Variants in RIPK1 observed in about 807,000 individuals in gnomAD.
RIPK1 encodes receptor interacting serine/threonine kinase 1.
A neutral mutation model predicts 62.4 loss-of-function variants in RIPK1; 27 were observed. That is an observed-to-expected ratio of 0.43 (90% CI 0.32 to 0.60). RIPK1 has a LOEUF of 0.60. Among genes scored for constraint, RIPK1 ranks in the 20% least tolerant of loss-of-function variants. RIPK1 has a pLI of 0.07. For synonymous variants in RIPK1, 287 were observed against 303.2 expected (o/e 0.95, Z 0.55); for missense variants, 735 against 831.0 (o/e 0.88, Z 1.42).
chr6:3,101,216 G>C (rs575091673), intron 7 of RIPK1, among the ~76,000 whole-genome samples: 1 of 152,152 alleles, frequency 6.6e-6, no homozygotes, highest in African/African-American at 2.4e-5. Context: ...GGTTGAGCCT[G>C]CACTCTAGCC....
chr6:3,071,879 G>A (rs1758730025), intron 1 of RIPK1, among the ~76,000 whole-genome samples: 1 of 152,200 alleles, frequency 6.6e-6, no homozygotes, highest in Non-Finnish European at 1.5e-5. Context: ...TGAGACTGAA[G>A]AAGAGATACC....
At chr6:3,089,692 T>C in intron 7 of RIPK1, 35 bp downstream of exon 7, 1 of 1,074,070 alleles carries the variant, frequency 9.3e-7, no homozygotes. Flanking sequence ...AATATTAACA[T>C]AGCAAAATAT....
chr6:3,064,429 C>T (rs1758288522), upstream of RIPK1, among the ~76,000 whole-genome samples: 1 of 152,242 alleles, frequency 6.6e-6, no homozygotes, highest in South Asian at 2.1e-4. Context: ...TTCTGTCTTT[C>T]AAAGTCACTA....
At chr6:3,073,102 AC>A (rs1343274565) in intron 1 of RIPK1, among the ~76,000 whole-genome samples, 1 of 152,112 alleles carries the variant, frequency 6.6e-6, no homozygotes, top group African/African-American at 2.4e-5. Flanking sequence ...ACAAATATAT[AC>A]ATATGTACAT....
intron 6 of RIPK1, among the ~76,000 whole-genome samples, chr6:3,087,729 CG>C (rs1759791962): frequency 2.0e-5 from 3 of 151,890 alleles, no homozygotes; most frequent in Admixed American, 6.6e-5. Flanking sequence ...TTAGTAGAGA[CG>C]GGGTTTCACC....
chr6:3,081,371 C>T (rs1398828703), intron 4 of RIPK1, among the ~76,000 whole-genome samples: 1 of 152,154 alleles, frequency 6.6e-6, no homozygotes, highest in Non-Finnish European at 1.5e-5. Flanking sequence ...GAGAAGACCT[C>T]TTTCCTAGAC....
intron 1 of RIPK1, among the ~76,000 whole-genome samples, chr6:3,073,465 C>T (rs1005621300): frequency 3.3e-5 from 5 of 152,034 alleles, no homozygotes; most frequent in African/African-American, 4.8e-5. Flanking sequence ...GTGGAGGGCC[C>T]GTGCTCTCGG....
chr6:3,070,694 G>C (rs1232557780), intron 1 of RIPK1, among the ~76,000 whole-genome samples: 2 of 152,056 alleles, frequency 1.3e-5, no homozygotes, highest in African/African-American at 4.8e-5. Context: ...GCCTCCCAAA[G>C]TGCTGGGATT....
chr6:3,069,576 A>G (rs551168753), intron 1 of RIPK1, among the ~76,000 whole-genome samples: 3 of 152,306 alleles, frequency 2.0e-5, no homozygotes, highest in Admixed American at 6.5e-5. Context: ...GGCTGTTCCA[A>G]TGATTAATTC....
intron 7 of RIPK1, among the ~76,000 whole-genome samples, chr6:3,094,112 A>AACTGCAGAGTG (rs1561765268): frequency 7.2e-5 from 8 of 111,852 alleles, no homozygotes; most frequent in Non-Finnish European, 1.1e-4. Context: ...ACTGCAGAGT[A>AACTGCAGAGTG]CCTACCTGCC....
intron 3 of RIPK1, 146 bp from the exon 4 acceptor site, chr6:3,080,833 G>A: frequency 4.0e-6 from 2 of 503,440 alleles, no homozygotes. Flanking sequence ...TTGTTTCCCA[G>A]TGACAGCAGT....
At chr6:3,086,747 T>C (rs1759714400) in intron 6 of RIPK1, among the ~76,000 whole-genome samples, 1 of 152,158 alleles carries the variant, frequency 6.6e-6, no homozygotes, top group South Asian at 2.1e-4. Context: ...CCGTTTAAGG[T>C]GATTTATGGA....
intron 7 of RIPK1, among the ~76,000 whole-genome samples, chr6:3,099,650 C>T (rs17548259): frequency 0.15 from 23,098 of 152,226 alleles, 4,605 homozygotes; most frequent in African/African-American, 0.46. Flanking sequence ...TATTTGGCCT[C>T]GCCAACAGAG....
upstream of RIPK1, chr6:3,064,096 G>C (rs1209112938): frequency 6.6e-6 from 1 of 152,286 alleles, no homozygotes; most frequent in Non-Finnish European, 1.5e-5. Flanking sequence ...GGTGGAGCAC[G>C]GGAGTGGCGA....
chr6:3,078,345 G>T (rs1200180345), intron 3 of RIPK1, among the ~76,000 whole-genome samples: 1 of 152,184 alleles, frequency 6.6e-6, no homozygotes, highest in Non-Finnish European at 1.5e-5. Context: ...AATAAAAGGT[G>T]CATGTGAACA....
At chr6:3,074,614 T>C (rs1758953760) in intron 1 of RIPK1, among the ~76,000 whole-genome samples, 1 of 152,248 alleles carries the variant, frequency 6.6e-6, no homozygotes, top group Non-Finnish European at 1.5e-5. Flanking sequence ...CAATGAATAT[T>C]TTATGCCCCA....
chr6:3,066,854 C>T (rs1277001176), upstream of RIPK1, among the ~76,000 whole-genome samples: 3 of 152,230 alleles, frequency 2.0e-5, no homozygotes, highest in African/African-American at 4.8e-5. Flanking sequence ...TAACGTCAGA[C>T]TCCACTGCCC....
chr6:3,074,016 A>G (rs976946283), intron 1 of RIPK1, among the ~76,000 whole-genome samples: 1 of 152,224 alleles, frequency 6.6e-6, no homozygotes, highest in Admixed American at 6.5e-5. Flanking sequence ...ATACTTCAGC[A>G]TGCATACCAT....
chr6:3,083,279 C>T lies in RIPK1; in HGVS notation c.654C>T (p.Leu218=). The T allele has an allele frequency of 6.2e-7, 1 of 1,613,646 alleles. No homozygotes were observed. The highest frequency in any genetic ancestry group is 8.5e-7 in the Non-Finnish European group (1 of 1,179,996). ...KSDVYSFAVV[L]WAIFANKEPY... ...ATGTGTACAGCTTTGCTGTAGTACT[C>T]TGGGCGATATTTGCAAATAAGGAGC... is the stretch of plus-strand genomic sequence containing the variant. The change falls in exon 5 of 11, where the codon CTC becomes CTT. Residue 218 remains leucine, a synonymous_variant. Coordinates refer to ENST00000259808, the MANE Select transcript of RIPK1 (RefSeq NM_001354930.2).
Sources: gnomAD v4.1 joint callset for allele counts (sites outside exome capture counted in the v4.1 genomes callset) on GRCh38, gnomAD v4.1.1 for gene constraint, MANE v1.5 for transcripts, NCBI Gene and HGNC (gene_info 2026-07-23, HGNC 2026-07-21) for gene names.